MEI4: variants seen among roughly 807,000 people sequenced by gnomAD.
The protein encoded by MEI4 is meiotic double-stranded break formation protein 4.
A neutral mutation model predicts 31.4 loss-of-function variants in MEI4; 27 were observed. That is an observed-to-expected ratio of 0.86 (90% CI 0.63 to 1.19). MEI4 has a LOEUF of 1.19. Ranked by LOEUF, MEI4 falls within the 50% of genes most tolerant of loss-of-function variation. MEI4 has a pLI of 0.00. For synonymous variants in MEI4, 122 were observed against 145.4 expected (o/e 0.84, Z 1.16); for missense variants, 329 against 398.9 (o/e 0.82, Z 1.49).
At chr6:77,861,533 G>A (rs1042882007) in intron 4 of MEI4, among the ~76,000 whole-genome samples, 3 of 152,064 alleles carry the variant, frequency 2.0e-5, no homozygotes, top group Non-Finnish European at 4.4e-5. Flanking sequence ...AAACTTCCAT[G>A]CCACAGAAAT....
At chr6:77,668,186 A>G (rs375129846) in intron 1 of MEI4, among the ~76,000 whole-genome samples, 1 of 152,116 alleles carries the variant, frequency 6.6e-6, no homozygotes, top group African/African-American at 2.4e-5. Flanking sequence ...TGAAAAGGAA[A>G]CTCAATATTA....
chr6:77,834,526 G>T (rs921550015), intron 4 of MEI4, among the ~76,000 whole-genome samples: 1 of 151,194 alleles, frequency 6.6e-6, no homozygotes, highest in Non-Finnish European at 1.5e-5. Flanking sequence ...GCTGCGGGGG[G>T]TCTGTTCCTG....
intron 2 of MEI4, among the ~76,000 whole-genome samples, chr6:77,698,097 T>C (rs569851103): frequency 6.6e-6 from 1 of 152,186 alleles, no homozygotes; most frequent in African/African-American, 2.4e-5. Context: ...ACCCCTGCCT[T>C]TTTTTGTTTT....
At chr6:77,742,787 T>G (rs1379459087) in intron 2 of MEI4, among the ~76,000 whole-genome samples, 1 of 152,002 alleles carries the variant, frequency 6.6e-6, no homozygotes, top group Non-Finnish European at 1.5e-5. Context: ...CATCTTGAAT[T>G]AATTTTTGTA....
rs564253980 is a variant in MEI4, at chr6:77,713,375, TG to T, written c.232+22473del. Among the ~76,000 whole-genome samples, 212 of 152,152 alleles carry T rather than the reference TG, an allele frequency of 1.4e-3. 1 individual carries two copies. Among genetic ancestry groups the T allele is most frequent in the African/African-American group, 4.5e-3 (186 of 41,548 alleles). On this transcript the variant is annotated intron_variant, in intron 2 of 4. Coordinates refer to ENST00000684080, the MANE Select transcript of MEI4 (RefSeq NM_001322247.2). Reference sequence around the variant, plus strand: ...CAGCAGAAGAACCTAAGAATTTTTTTGTTTGTTTGTTTTAAGGAATTGAGAA... The same window carrying T: ...CAGCAGAAGAACCTAAGAATTTTTTTTTTGTTTGTTTTAAGGAATTGAGAA...
chr6:77,868,854 A>G (rs1771128335), intron 4 of MEI4, among the ~76,000 whole-genome samples: 1 of 152,052 alleles, frequency 6.6e-6, no homozygotes, highest in Non-Finnish European at 1.5e-5. Flanking sequence ...GGTCCCAACC[A>G]GCAGTGCCCA....
chr6:77,893,750 A>G (rs1326801547), intron 4 of MEI4, among the ~76,000 whole-genome samples: 3 of 152,200 alleles, frequency 2.0e-5, no homozygotes, highest in Non-Finnish European at 4.4e-5. Flanking sequence ...CCACTAATGC[A>G]AGAAAGCTTT....
At chr6:77,681,883 TTAA>T (rs1241011680) in intron 1 of MEI4, among the ~76,000 whole-genome samples, 3 of 152,216 alleles carry the variant, frequency 2.0e-5, no homozygotes, top group Non-Finnish European at 4.4e-5. Context: ...ACAGGGGCCC[TTAA>T]TAATAAAAGT....
intron 1 of MEI4, among the ~76,000 whole-genome samples, chr6:77,678,031 T>C (rs1226079957): frequency 6.6e-6 from 1 of 152,206 alleles, no homozygotes; most frequent in East Asian, 1.9e-4. Flanking sequence ...TTCATGGTTT[T>C]AAACAATTGA....
rs1225848716 is a variant in MEI4, at chr6:77,923,332, A to C, written c.1144A>C (p.Thr382Pro). Residue 382 changes from threonine (T) to proline (P), a missense_variant, in exon 5 of 5, where the codon ACT becomes CCT. By Grantham distance (38) the Thr-to-Pro change is conservative (BLOSUM62 -1). Coordinates refer to ENST00000684080, the MANE Select transcript of MEI4 (RefSeq NM_001322247.2). ...TCTTTTGAGCTCAGCACAGATAGAA[A>C]CTCTTAGAAAATAACTCCATTCCTT... The part of the protein sequence containing the change: ...GILLSSAQIE[T>P]LRK 1 of 1,229,624 alleles carries C rather than the reference A, an allele frequency of 8.1e-7. No homozygotes were observed. Among genetic ancestry groups the C allele is most frequent in the Non-Finnish European group, 1.0e-6 (1 of 986,326 alleles). The allele number at this position is 1,229,624 out of a possible 1,614,324, so 76.2% of individuals were successfully genotyped here.
chr6:77,744,022 A>T (rs1380326855), intron 2 of MEI4, among the ~76,000 whole-genome samples: 1 of 152,174 alleles, frequency 6.6e-6, no homozygotes, highest in Non-Finnish European at 1.5e-5. Flanking sequence ...ACGGAGAAAA[A>T]ACAGAGCAGA....
At chr6:77,818,670 TTAG>T (rs1322544546) in intron 3 of MEI4, among the ~76,000 whole-genome samples, 2 of 152,278 alleles carry the variant, frequency 1.3e-5, no homozygotes, top group East Asian at 3.9e-4. Context: ...TGATATTTAT[TTAG>T]TAGATTTAAC....
At chr6:77,804,896 T>A (rs1949206) in intron 3 of MEI4, among the ~76,000 whole-genome samples, 20,919 of 152,232 alleles carry the variant, frequency 0.14, 1,534 homozygotes, top group Middle Eastern at 0.21. Context: ...TGTATGCTTA[T>A]AAATGTCATG....
chr6:77,795,027 G>C (rs1338969432), intron 3 of MEI4, among the ~76,000 whole-genome samples: 2 of 152,066 alleles, frequency 1.3e-5, no homozygotes, highest in African/African-American at 2.4e-5. Context: ...TTAAGATGAA[G>C]AAAAATAGAA....
chr6:77,741,968 C>A (rs1375664199), intron 2 of MEI4, among the ~76,000 whole-genome samples: 1 of 151,970 alleles, frequency 6.6e-6, no homozygotes, highest in African/African-American at 2.4e-5. Flanking sequence ...TTTATGGCTG[C>A]ATAGTACTCC....
intron 2 of MEI4, among the ~76,000 whole-genome samples, chr6:77,740,513 CA>C (rs1767371926): frequency 6.6e-6 from 1 of 152,080 alleles, no homozygotes. Flanking sequence ...AGGCAGAAGT[CA>C]ATTGCTTTAA....
intron 4 of MEI4, among the ~76,000 whole-genome samples, chr6:77,909,987 G>A (rs545213949): frequency 0.02 from 3,059 of 152,188 alleles, 53 homozygotes; most frequent in South Asian, 0.033. Flanking sequence ...ATGCAGAAAA[G>A]GCCTTTGACA....
At chr6:77,868,499 C>CTATATATATATATATATATATATATATA (rs71558933) in intron 4 of MEI4, among the ~76,000 whole-genome samples, 17 of 61,694 alleles carry the variant, frequency 2.8e-4, no homozygotes, top group South Asian at 7.0e-4. Context: ...GTAAAAAATA[C>CTATATATATATATATATATATATATATA]TACATATATA....
chr6:77,919,951 A>G (rs1051586579), intron 4 of MEI4, among the ~76,000 whole-genome samples: 21 of 148,290 alleles, frequency 1.4e-4, no homozygotes, highest in African/African-American at 4.7e-4. Flanking sequence ...TGAACCAGGA[A>G]GAAGTTGAAT....
Sources: gnomAD v4.1 joint callset for allele counts (sites outside exome capture counted in the v4.1 genomes callset) on GRCh38, gnomAD v4.1.1 for gene constraint, MANE v1.5 for transcripts, NCBI Gene and HGNC (gene_info 2026-07-23, HGNC 2026-07-21) for gene names.